Variants in SPATS2L observed in about 807,000 individuals in gnomAD.
SPATS2L encodes SPATS2-like protein.
A neutral mutation model predicts 59.6 loss-of-function variants in SPATS2L; 30 were observed. The observed-to-expected ratio is 0.50, with a 90% confidence interval of 0.38 to 0.68. The LOEUF (loss-of-function observed/expected upper bound fraction) is 0.68. Ranked by LOEUF, SPATS2L falls within the 30% of genes least tolerant of loss-of-function variation. The pLI, the probability that SPATS2L is intolerant of heterozygous loss-of-function variation, is 0.00. For missense variants in SPATS2L, 615 were observed against 700.0 expected (o/e 0.88, Z 1.37); for synonymous variants, 252 against 263.5 (o/e 0.96, Z 0.42).
rs1385520540 is a variant in SPATS2L, at chr2:200,329,433, C to T, written c.-70C>T. ...TCCCAAATTTCCATTTTTCCTAGAGCTCTTCAGAAACCAGGCTGCTTTCAG... is the reference window on the plus strand; with the variant it reads ...TCCCAAATTTCCATTTTTCCTAGAGTTCTTCAGAAACCAGGCTGCTTTCAG... On this transcript the variant is annotated splice_region_variant and 5_prime_UTR_variant, in exon 2 of 13. Coordinates refer to ENST00000409140, the MANE Select transcript of SPATS2L (RefSeq NM_001100423.2). 1.9e-6 allele frequency: 3 copies of T among 1,550,374 alleles called. No homozygotes were observed. Among genetic ancestry groups the T allele is most frequent in the African/African-American group, 2.7e-5 (2 of 73,018 alleles).
chr2:200,315,252 A>G (rs1202363092), intron 1 of SPATS2L, among the ~76,000 whole-genome samples: 1 of 152,238 alleles, frequency 6.6e-6, no homozygotes, highest in Non-Finnish European at 1.5e-5. Flanking sequence ...TTGGAGAGAC[A>G]GCTTCTGAAC....
intron 6 of SPATS2L, among the ~76,000 whole-genome samples, chr2:200,435,788 T>C (rs1006581724): frequency 3.3e-5 from 5 of 152,160 alleles, no homozygotes; most frequent in Admixed American, 6.6e-5. Flanking sequence ...ATTAGTGTTA[T>C]CCAACAGAAA....
Position 200,478,239 on chromosome 2 carries a change from T to C in SPATS2L, c.*208T>C. The C allele has an allele frequency of 4.5e-6, 2 of 448,996 alleles. No individual in the cohort carries two copies. The highest frequency in any genetic ancestry group is 3.7e-6 in the Non-Finnish European group (1 of 266,898). The allele number at this position is 448,996 out of a possible 1,614,324, so 27.8% of individuals were successfully genotyped here. A position where few individuals can be genotyped will look rare whatever the true frequency, so the allele number is the denominator to read the frequency against. On this transcript the variant is annotated 3_prime_UTR_variant, in exon 13 of 13. Coordinates refer to ENST00000409140, the MANE Select transcript of SPATS2L (RefSeq NM_001100423.2). The stretch of plus-strand genomic sequence containing the variant: ...TTGCTTGATCTGTTGATGCTTTCTC[T>C]CATCAAGACTTTGCAGCATTTTAGC...
At chr2:200,310,565 T>TCAAGGATTGTTTCACAGGAA (rs2079160966) in intron 1 of SPATS2L, among the ~76,000 whole-genome samples, 1 of 152,248 alleles carries the variant, frequency 6.6e-6, no homozygotes, top group South Asian at 2.1e-4. Context: ...TCAAAACTCT[T>TCAAGGATTGTTTCACAGGAA]CAAGGATTGT....
Position 200,469,986 on chromosome 2 carries a change from C to T in SPATS2L, c.1030C>T (p.Leu344=). ...AARFSCDIEQ[L]KAQIMLCGEI... Reference sequence around the variant, plus strand: ...CCGGTTTTCCTGTGACATCGAACAGCTGAAGGCCCAAATCATGCTCTGCGG... The same window carrying T: ...CCGGTTTTCCTGTGACATCGAACAGTTGAAGGCCCAAATCATGCTCTGCGG... The change falls in exon 11 of 13, where the codon CTG becomes TTG. Residue 344 remains leucine (L), a synonymous_variant. Coordinates refer to ENST00000409140, the MANE Select transcript of SPATS2L (RefSeq NM_001100423.2). 6.2e-7 allele frequency: 1 copy of T among 1,611,846 alleles called. No homozygotes were observed. Among genetic ancestry groups the T allele is most frequent in the Non-Finnish European group, 8.5e-7 (1 of 1,178,954 alleles).
At position 200,325,479 on chromosome 2, in the gene SPATS2L, A is replaced by G. The variant is rs557688380; in HGVS notation, c.-72-3952A>G. 5.3e-5 allele frequency among the ~76,000 whole-genome samples: 8 copies of G among 152,300 alleles called. No individual in the cohort carries two copies. The East Asian group carries it at 1.5e-3, about 29-fold the overall frequency. On this transcript the variant is annotated intron_variant, in intron 1 of 12. Coordinates refer to ENST00000409140, the MANE Select transcript of SPATS2L (RefSeq NM_001100423.2). ...CTGCAACCTCTGCCTCCCGGGTTCA[A>G]GTAATTCTGCTGCCTCAGCCTCCCG...
intron 3 of SPATS2L, among the ~76,000 whole-genome samples, chr2:200,399,576 A>G (rs573000994): frequency 7.6e-6 from 1 of 130,858 alleles, no homozygotes; most frequent in South Asian, 2.8e-4. Context: ...CTTTAGAGGA[A>G]AAGCAAACAA....
At chr2:200,464,745 C>T (rs1272998543) in intron 9 of SPATS2L, among the ~76,000 whole-genome samples, 2 of 151,430 alleles carry the variant, frequency 1.3e-5, no homozygotes, top group African/African-American at 4.8e-5. Context: ...TCCGAAAGTG[C>T]TAAGATAACA....
chr2:200,349,072 T>A (rs1264913162), intron 2 of SPATS2L, among the ~76,000 whole-genome samples: 3 of 152,104 alleles, frequency 2.0e-5, no homozygotes, highest in African/African-American at 2.4e-5. Flanking sequence ...AGCCCTTTTT[T>A]AAAAAGAAGA....
At chr2:200,419,546 C>T (rs1162676150) in intron 6 of SPATS2L, 50 bp downstream of exon 6, 1 of 1,596,036 alleles carries the variant, frequency 6.3e-7, no homozygotes, top group Admixed American at 1.7e-5. Flanking sequence ...ATGAAAAGAG[C>T]ACAAAGGGAG....
chr2:200,426,680 T>TCA (rs2083601982), intron 6 of SPATS2L, among the ~76,000 whole-genome samples: 2 of 152,272 alleles, frequency 1.3e-5, no homozygotes, highest in South Asian at 4.1e-4. Flanking sequence ...TAAGCCATGA[T>TCA]CACACCACTG....
chr2:200,413,924 A>G (rs1420047953), intron 4 of SPATS2L, among the ~76,000 whole-genome samples: 1 of 152,240 alleles, frequency 6.6e-6, no homozygotes, highest in Non-Finnish European at 1.5e-5. Context: ...TAGAGAATGC[A>G]GTATTAATCT....
chr2:200,417,308 G>A (rs529584584), intron 5 of SPATS2L, among the ~76,000 whole-genome samples: 3 of 152,034 alleles, frequency 2.0e-5, no homozygotes, highest in African/African-American at 7.2e-5. Flanking sequence ...CATCCTTTCC[G>A]TTTTTCTCCT....
rs905303847 is a variant in SPATS2L at position 200,306,935 on chromosome 2, C to G, written c.-73+13C>G. 2.9e-5 allele frequency: 28 copies of G among 982,202 alleles called. No individual in the cohort carries two copies. The highest frequency in any genetic ancestry group is 1.2e-4 in the East Asian group (1 of 8,596). 60.8% of individuals were successfully genotyped at this position (982,202 alleles called of 1,614,324 possible). A position where few individuals can be genotyped will look rare whatever the true frequency, so the allele number is the denominator to read the frequency against. ...GCTCGACACAGAGGTAAGCCCAGGA[C>G]CCCCTCCACGCCGGGCCGGCTGGGG... is the stretch of plus-strand genomic sequence containing the variant. On this transcript the variant is annotated intron_variant, in intron 1 of 12. Coordinates refer to ENST00000409140, the MANE Select transcript of SPATS2L (RefSeq NM_001100423.2).
At chr2:200,354,905 G>C (rs1574476713) in intron 2 of SPATS2L, among the ~76,000 whole-genome samples, 1 of 152,154 alleles carries the variant, frequency 6.6e-6, no homozygotes, top group African/African-American at 2.4e-5. Flanking sequence ...AACAACAAAG[G>C]CAGTACCTTT....
Position 200,469,998 on chromosome 2 carries a change from A to C in SPATS2L, c.1042A>C (p.Ile348Leu). 1 of 1,610,826 alleles carries C rather than the reference A, an allele frequency of 6.2e-7. No individual in the cohort carries two copies. The highest frequency in any genetic ancestry group is 2.2e-5 in the East Asian group (1 of 44,810). Residue 348 changes from isoleucine (I) to leucine (L), a missense_variant, in exon 11 of 13, where the codon ATC (isoleucine) becomes CTC (leucine). By Grantham distance (5) the Ile-to-Leu change is conservative (BLOSUM62 2). Transcript: ENST00000409140. ...SCDIEQLKAQIMLCGEITHPK... is the reference protein window; with the variant it reads ...SCDIEQLKAQLMLCGEITHPK... ...TGACATCGAACAGCTGAAGGCCCAA[A>C]TCATGCTCTGCGGAGAAAGTGAGTT...
At chr2:200,385,672 G>C (rs1474447978) in intron 2 of SPATS2L, among the ~76,000 whole-genome samples, 1 of 151,946 alleles carries the variant, frequency 6.6e-6, no homozygotes, top group East Asian at 1.9e-4. Flanking sequence ...AACCCAATTT[G>C]ACTATCTAGT....
Position 200,480,967 on chromosome 2 carries a change from T to C in SPATS2L, c.*2936T>C, listed in dbSNP as rs568344673. On this transcript the variant is annotated 3_prime_UTR_variant, in exon 13 of 13. Coordinates refer to ENST00000409140, the MANE Select transcript of SPATS2L (RefSeq NM_001100423.2). ...TTAATCCTTATGAAGATGGAATAAC[T>C]TCAAACTCACATTGTGGCACTTAGA... The C allele has an allele frequency of 2.0e-5, 3 of 152,356 alleles. No homozygotes were observed. The highest frequency in any genetic ancestry group is 7.2e-5 in the African/African-American group (3 of 41,586). 9.4% of individuals were successfully genotyped at this position (152,356 alleles called of 1,614,324 possible).
chr2:200,400,431 G>C (rs1242661620), intron 3 of SPATS2L, among the ~76,000 whole-genome samples: 1 of 152,192 alleles, frequency 6.6e-6, no homozygotes, highest in African/African-American at 2.4e-5. Flanking sequence ...GATGAAATGA[G>C]ATATGTATTA....
Sources: gnomAD v4.1 joint callset for allele counts (sites outside exome capture counted in the v4.1 genomes callset) on GRCh38, gnomAD v4.1.1 for gene constraint, MANE v1.5 for transcripts, NCBI Gene and HGNC (gene_info 2026-07-23, HGNC 2026-07-21) for gene names.